The following GFM1 variants were observed in gnomAD, a reference collection of about 807,000 sequenced individuals.
GFM1 encodes G elongation factor mitochondrial 1, also known as elongation factor G, mitochondrial.
GFM1 carries 62 observed loss-of-function variants against 96.2 expected under a neutral mutation model. The observed-to-expected ratio is 0.64, with a 90% CI of 0.53 to 0.80. The LOEUF (loss-of-function observed/expected upper bound fraction) is 0.80. GFM1 is among the 30% of genes least tolerant of loss of function. The pLI is 0.00. For synonymous variants in GFM1, 282 were observed against 312.9 expected (o/e 0.90, Z 1.04); for missense variants, 852 against 916.6 (o/e 0.93, Z 0.91).
intron 15 of GFM1, chr3:158,685,305 T>G (rs1725748296): frequency 6.6e-6 from 1 of 152,304 alleles, no homozygotes; most frequent in African/African-American, 2.4e-5. Flanking sequence ...ATCAGGATTA[T>G]TCAAGAAAGG....
intron 15 of GFM1, among the ~76,000 whole-genome samples, chr3:158,686,788 G>A (rs755817801): frequency 1.2e-4 from 16 of 135,124 alleles, no homozygotes; most frequent in Non-Finnish European, 2.3e-4. Flanking sequence ...GCTGGAGTGC[G>A]GTGGTGCAAT....
Position 158,684,573 on chromosome 3 carries a change from C to T in GFM1, c.1814C>T (p.Ser605Phe), listed in dbSNP as rs764772830. ...GGCCCTCTTTCTGGTCACAAGCTCT[C>T]TGGGCTCCGGTTTGTCCTGCAAGAT... ...EKGPLSGHKL[S>F]GLRFVLQDGA... Residue 605 changes from serine (S) to phenylalanine (F), a missense_variant, in exon 15 of 18, where the codon TCT (serine) becomes TTT (phenylalanine). Coordinates refer to ENST00000486715, the MANE Select transcript of GFM1 (RefSeq NM_024996.7). 3.1e-6 allele frequency: 5 copies of T among 1,614,084 alleles called. No homozygotes were observed. Among genetic ancestry groups the T allele is most frequent in the Non-Finnish European group, 4.2e-6 (5 of 1,179,968 alleles).
At chr3:158,668,999 T>G in intron 13 of GFM1, 1 of 1,609,854 alleles carries the variant, frequency 6.2e-7, no homozygotes, top group Non-Finnish European at 8.5e-7. Flanking sequence ...TACTTACCAC[T>G]TGCTTGACAG....
chr3:158,685,106 A>G (rs1725732529), intron 15 of GFM1: 2 of 161,144 alleles, frequency 1.2e-5, no homozygotes, highest in South Asian at 3.3e-4. Context: ...ATGGCAAAGT[A>G]TTTTCAAAGA....
chr3:158,671,030 GA>G, intron 13 of GFM1: 1 of 1,517,370 alleles, frequency 6.6e-7, no homozygotes, highest in Admixed American at 2.4e-5. Context: ...CTAAAATTAA[GA>G]AAATGTAGTG....
rs1464275397 is a variant in GFM1 at position 158,694,324 on chromosome 3, A to G, written c.*2857A>G. 6.6e-6 allele frequency among the ~76,000 whole-genome samples: 1 copy of G among 152,194 alleles called. No homozygotes were observed. The highest frequency in any genetic ancestry group is 1.5e-5 in the Non-Finnish European group (1 of 68,028). On this transcript the variant is annotated 3_prime_UTR_variant, in exon 18 of 18. Transcript: ENST00000486715. ...AAGCCATTATCCTCATCAAACTAAC[A>G]TAGGAAAAGAAAACCAAATACTGCA...
intron 4 of GFM1, among the ~76,000 whole-genome samples, chr3:158,648,768 T>G (rs1722054151): frequency 6.6e-6 from 1 of 152,052 alleles, no homozygotes; most frequent in Admixed American, 6.5e-5. Context: ...TCTTCCCCCT[T>G]CTGCTTTTGA....
At chr3:158,654,957 A>G (rs1722623127) in intron 8 of GFM1, among the ~76,000 whole-genome samples, 1 of 152,228 alleles carries the variant, frequency 6.6e-6, no homozygotes, top group African/African-American at 2.4e-5. Flanking sequence ...TTTAAATAGT[A>G]GCATAACAGT....
intron 14 of GFM1, 32 bp downstream of exon 14, chr3:158,682,189 T>C (rs764673822): frequency 3.2e-6 from 5 of 1,563,468 alleles, no homozygotes; most frequent in African/African-American, 2.7e-5. Context: ...TTTGCATTTT[T>C]ACTTACTAAA....
At chr3:158,657,282 A>G (rs959053884) in intron 8 of GFM1, 10 of 147,794 alleles carry the variant, frequency 6.8e-5, no homozygotes, top group African/African-American at 2.2e-4. Context: ...AAATACATAT[A>G]TAAGAATATT....
intron 14 of GFM1, among the ~76,000 whole-genome samples, chr3:158,683,161 A>AT (rs1298928000): frequency 6.6e-6 from 1 of 152,004 alleles, no homozygotes; most frequent in Non-Finnish European, 1.5e-5. Flanking sequence ...GTGGTGGAGC[A>AT]TTTTTTTGTC....
At chr3:158,676,004 G>A (rs1452766141) in intron 13 of GFM1, among the ~76,000 whole-genome samples, 1 of 152,200 alleles carries the variant, frequency 6.6e-6, no homozygotes. Flanking sequence ...CAGGTGCAGT[G>A]GCTCACACCT....
intron 1 of GFM1, among the ~76,000 whole-genome samples, chr3:158,645,346 A>G (rs1268477431): frequency 6.6e-6 from 1 of 152,184 alleles, no homozygotes; most frequent in African/African-American, 2.4e-5. Flanking sequence ...TATCTGCCCC[A>G]GTGTGTATTT....
chr3:158,688,672 T>G (rs61376564), intron 15 of GFM1, among the ~76,000 whole-genome samples: 63,162 of 151,940 alleles, frequency 0.42, 14,271 homozygotes, highest in African/African-American at 0.6. Flanking sequence ...GAATAGAACT[T>G]TTTCTATACT....
chr3:158,670,416 T>G (rs1560138246), intron 13 of GFM1, among the ~76,000 whole-genome samples: 1 of 152,190 alleles, frequency 6.6e-6, no homozygotes, highest in East Asian at 1.9e-4. Context: ...TTCACTCATT[T>G]ATATTAGGCA....
intron 9 of GFM1, among the ~76,000 whole-genome samples, chr3:158,659,477 G>A (rs981902888): frequency 4.6e-5 from 7 of 152,092 alleles, no homozygotes; most frequent in African/African-American, 1.2e-4. Flanking sequence ...TCTGAAATAC[G>A]GCAGGCACAA....
intron 8 of GFM1, chr3:158,656,274 C>G: frequency 3.3e-5 from 6 of 180,208 alleles, no homozygotes; most frequent in Non-Finnish European, 4.6e-5. Context: ...CTGCCTCAGC[C>G]TCCCAAGTAG....
chr3:158,669,516 C>T (rs557001821), intron 13 of GFM1: 8 of 1,613,924 alleles, frequency 5.0e-6, no homozygotes, highest in Non-Finnish European at 6.8e-6. Context: ...TGGATTCTTT[C>T]CAGTTTCTCC....
chr3:158,651,198 AC>A (rs1000989727), intron 5 of GFM1, among the ~76,000 whole-genome samples: 6 of 152,042 alleles, frequency 3.9e-5, no homozygotes, highest in African/African-American at 9.7e-5. Context: ...ATATTTAGTC[AC>A]CGTTTTTTTA....
Sources: gnomAD v4.1 joint callset for allele counts (sites outside exome capture counted in the v4.1 genomes callset) on GRCh38, gnomAD v4.1.1 for gene constraint, MANE v1.5 for transcripts, NCBI Gene and HGNC (gene_info 2026-07-23, HGNC 2026-07-21) for gene names.